The following IKZF1 variants were observed in gnomAD, a reference collection of about 807,000 sequenced individuals.
IKZF1 encodes DNA-binding protein Ikaros.
Under a neutral mutation model 51.7 loss-of-function variants are expected in IKZF1, and 10 were observed. The observed-to-expected ratio is 0.19, with a 90% CI of 0.12 to 0.33. IKZF1 has a LOEUF of 0.33. Among genes scored for constraint, IKZF1 ranks in the 10% least tolerant of loss-of-function variants. IKZF1 has a pLI of 1.00. For synonymous variants in IKZF1, 280 were observed against 282.3 expected (o/e 0.99, Z 0.08); for missense variants, 484 against 707.5 (o/e 0.68, Z 3.58).
intron 3 of IKZF1, among the ~76,000 whole-genome samples, chr7:50,365,346 C>G (rs1034912340): frequency 3.3e-5 from 5 of 152,190 alleles, no homozygotes; most frequent in Non-Finnish European, 1.5e-5. Flanking sequence ...AGACATGAAA[C>G]AAACTAATAG....
At chr7:50,364,010 T>C (rs1806053926) in intron 3 of IKZF1, among the ~76,000 whole-genome samples, 1 of 152,240 alleles carries the variant, frequency 6.6e-6, no homozygotes, top group Non-Finnish European at 1.5e-5. Flanking sequence ...GTTCATGTGA[T>C]TTAAAGAATG....
chr7:50,354,854 T>C (rs1802848305), intron 3 of IKZF1, among the ~76,000 whole-genome samples: 1 of 152,146 alleles, frequency 6.6e-6, no homozygotes, highest in Non-Finnish European at 1.5e-5. Context: ...CCCTGAAGTT[T>C]ATCTAGAAGG....
chr7:50,319,158 C>T (rs1021317021), intron 2 of IKZF1, 57 bp downstream of exon 2: 57 of 1,487,890 alleles, frequency 3.8e-5, no homozygotes, highest in African/African-American at 6.9e-5. Context: ...TCCCTGGGGC[C>T]GGAAGTCACA....
At chr7:50,338,996 T>C (rs1186031665) in intron 3 of IKZF1, among the ~76,000 whole-genome samples, 2 of 152,212 alleles carry the variant, frequency 1.3e-5, no homozygotes, top group African/African-American at 4.8e-5. Flanking sequence ...ACTGGTAATA[T>C]GCGGAAAATC....
At chr7:50,352,747 C>A (rs1168182478) in intron 3 of IKZF1, among the ~76,000 whole-genome samples, 1 of 152,174 alleles carries the variant, frequency 6.6e-6, no homozygotes, top group Non-Finnish European at 1.5e-5. Context: ...TTAAAGGAAG[C>A]CTCCAAGTTG....
rs1163878530 is a variant in IKZF1 at position 50,376,820 on chromosome 7, A to G, written c.421+27A>G. ...TAAGGCCTGGCTCAGTTTTTCCTTT[A>G]GTGGCCTGGAGAAGGTGCATGGGGT... On this transcript the variant is annotated intron_variant, in intron 4 of 7. Coordinates refer to ENST00000331340, the MANE Select transcript of IKZF1 (RefSeq NM_006060.6). The surrounding 1 kb of genome is among the most constrained non-coding windows in gnomAD (Gnocchi z 4.5). The G allele has an allele frequency of 6.2e-7, 1 of 1,610,442 alleles. No homozygotes were observed. The highest frequency in any genetic ancestry group is 8.5e-7 in the Non-Finnish European group (1 of 1,177,276).
intron 3 of IKZF1, among the ~76,000 whole-genome samples, chr7:50,340,259 A>G (rs1798763996): frequency 6.6e-6 from 1 of 152,216 alleles, no homozygotes; most frequent in Non-Finnish European, 1.5e-5. Context: ...TTCAGGAGTG[A>G]GTTCAGCTGC....
chr7:50,381,307 A>G (rs956822221), intron 4 of IKZF1, among the ~76,000 whole-genome samples: 2 of 152,238 alleles, frequency 1.3e-5, no homozygotes, highest in African/African-American at 2.4e-5. Flanking sequence ...TTTTCCTGAG[A>G]AAAAAAGTGA....
At chr7:50,333,322 G>A (rs1309594188) in intron 3 of IKZF1, among the ~76,000 whole-genome samples, 1 of 129,114 alleles carries the variant, frequency 7.7e-6, no homozygotes, top group Non-Finnish European at 1.6e-5. Context: ...AGACCAGCAC[G>A]GTAGTCGGGG....
At chr7:50,371,838 A>G (rs546090035) in intron 3 of IKZF1, among the ~76,000 whole-genome samples, 1 of 152,318 alleles carries the variant, frequency 6.6e-6, no homozygotes, top group African/African-American at 2.4e-5. Context: ...CTGGTACAGA[A>G]GATTCCAGAT....
At chr7:50,394,287 C>T (rs542741590) in intron 7 of IKZF1, 29 of 233,050 alleles carry the variant, frequency 1.2e-4, no homozygotes, top group Non-Finnish European at 2.2e-4. Context: ...ACCTTACCCC[C>T]GCTTCAACTT....
chr7:50,397,159 C>A (rs1816931585), intron 7 of IKZF1, among the ~76,000 whole-genome samples: 1 of 152,238 alleles, frequency 6.6e-6, no homozygotes, highest in Admixed American at 6.5e-5. Context: ...CTTTGCCCTA[C>A]ATCTCATGTC....
chr7:50,332,915 C>T (rs1031440576), intron 3 of IKZF1, among the ~76,000 whole-genome samples: 19 of 152,154 alleles, frequency 1.2e-4, no homozygotes, highest in Middle Eastern at 3.4e-3. Context: ...GGGAGGGGAT[C>T]GCCATGGTTT....
chr7:50,365,099 A>G (rs960059162), intron 3 of IKZF1, among the ~76,000 whole-genome samples: 2 of 152,250 alleles, frequency 1.3e-5, no homozygotes, highest in African/African-American at 4.8e-5. Flanking sequence ...TCATAAAAAC[A>G]GCTTCCACAA....
At chr7:50,377,759 G>T (rs571038302) in intron 4 of IKZF1, among the ~76,000 whole-genome samples, 1 of 152,194 alleles carries the variant, frequency 6.6e-6, no homozygotes, top group Admixed American at 6.5e-5. Context: ...TTTTCTTTGC[G>T]TGGGAAGCTG....
At chr7:50,385,634 G>A (rs931875777) in intron 5 of IKZF1, among the ~76,000 whole-genome samples, 2 of 152,304 alleles carry the variant, frequency 1.3e-5, no homozygotes, top group African/African-American at 4.8e-5. Context: ...TTATGTTCCA[G>A]AGTTAAACTC....
chr7:50,303,791 C>G (rs1788115143), upstream of IKZF1, among the ~76,000 whole-genome samples: 1 of 151,454 alleles, frequency 6.6e-6, no homozygotes, highest in Admixed American at 6.6e-5. The surrounding 1 kb of genome is among the most constrained non-coding windows in gnomAD (Gnocchi z 4.7). Flanking sequence ...GTGCCCCGAC[C>G]GACCAGCGGC....
intron 3 of IKZF1, among the ~76,000 whole-genome samples, chr7:50,355,184 C>T (rs2153436135): frequency 6.6e-6 from 1 of 152,290 alleles, no homozygotes; most frequent in Middle Eastern, 3.4e-3. Context: ...AGCTCTGCTT[C>T]CCAACAGGCG....
intron 4 of IKZF1, among the ~76,000 whole-genome samples, chr7:50,380,409 A>G (rs998374338): frequency 4.6e-5 from 7 of 152,210 alleles, no homozygotes; most frequent in African/African-American, 1.7e-4. Flanking sequence ...TCTGTCTGCG[A>G]TGGGCAGAGA....
Sources: allele counts gnomAD v4.1 joint callset (sites outside exome capture counted in the v4.1 genomes callset), GRCh38; gene constraint gnomAD v4.1.1; non-coding constraint Gnocchi (gnomAD v3.1); transcripts MANE v1.5; gene names NCBI Gene and HGNC (gene_info 2026-07-23, HGNC 2026-07-21).